The following NFAT5 variants were observed in gnomAD, a reference collection of about 807,000 sequenced individuals.
NFAT5 encodes the protein nuclear factor of activated T-cells 5.
Under a neutral mutation model 166.5 loss-of-function variants are expected in NFAT5, and 31 were observed. That is an observed-to-expected ratio of 0.19 (90% CI 0.14 to 0.25). The LOEUF is 0.25. Among genes scored for constraint, NFAT5 ranks in the 10% least tolerant of loss-of-function variants. The pLI is 1.00. For missense variants in NFAT5, 1,449 were observed against 1,821.8 expected (o/e 0.80, Z 3.72); for synonymous variants, 612 against 639.7 (o/e 0.96, Z 0.65).
intron 2 of NFAT5, among the ~76,000 whole-genome samples, chr16:69,591,026 G>A (rs2032428051): frequency 6.6e-6 from 1 of 152,096 alleles, no homozygotes; most frequent in African/African-American, 2.4e-5. Context: ...TCGTCTCCTG[G>A]GTTCAAGCAA....
chr16:69,663,653 T>G (rs1482732444), intron 7 of NFAT5, among the ~76,000 whole-genome samples: 1 of 151,500 alleles, frequency 6.6e-6, no homozygotes, highest in Admixed American at 6.6e-5. Context: ...GAAGATTGCT[T>G]GAAGCCAGGA....
In NFAT5 at chr16:69,587,944, C is replaced by CTTTT. The variant is rs61460423; in HGVS notation, c.127+19419_127+19422dup. On this transcript the variant is annotated intron_variant, in intron 2 of 14. Coordinates refer to ENST00000349945, the MANE Select transcript of NFAT5 (RefSeq NM_138713.4). ...GCACTTTGGTAATTTATAGTGCTTT[C>CTTTT]TTTTTTTTTTTTTTTTTTTTTTTTT... 1.5e-4 allele frequency among the ~76,000 whole-genome samples: 10 copies of CTTTT among 68,232 alleles called. 1 individual carries two copies. The highest frequency in any genetic ancestry group is 2.3e-4 in the Non-Finnish European group (8 of 34,744). 44.8% of individuals were successfully genotyped at this position (68,232 alleles called of 152,430 possible).
intron 7 of NFAT5, among the ~76,000 whole-genome samples, chr16:69,669,759 T>C (rs1290109710): frequency 1.3e-5 from 2 of 152,202 alleles, no homozygotes; most frequent in Non-Finnish European, 1.5e-5. Context: ...CTTGGCACAT[T>C]ACTTCAGTTC....
chr16:69,603,986 G>A (rs1292901771), intron 2 of NFAT5, among the ~76,000 whole-genome samples: 3 of 152,030 alleles, frequency 2.0e-5, no homozygotes, highest in Admixed American at 6.6e-5. Flanking sequence ...ATTAATTTTA[G>A]TAGCTAATAT....
At chr16:69,679,963 A>G (rs2036989418) in intron 10 of NFAT5, among the ~76,000 whole-genome samples, 1 of 150,216 alleles carries the variant, frequency 6.7e-6, no homozygotes, top group South Asian at 2.1e-4. Flanking sequence ...TAAAAATACA[A>G]AAAAATTAGC....
chr16:69,629,860 C>T (rs2151586588), intron 3 of NFAT5, among the ~76,000 whole-genome samples: 1 of 151,630 alleles, frequency 6.6e-6, no homozygotes, highest in East Asian at 1.9e-4. Flanking sequence ...CCTAAACCCC[C>T]TGGGCTCAAG....
intron 9 of NFAT5, among the ~76,000 whole-genome samples, chr16:69,675,335 T>C (rs1286227156): frequency 2.0e-5 from 3 of 152,230 alleles, no homozygotes; most frequent in Admixed American, 6.5e-5. Context: ...TCACAAGCTG[T>C]TCATTCAACC....
chr16:69,672,805 A>G (rs571047398), intron 9 of NFAT5, among the ~76,000 whole-genome samples: 2 of 152,322 alleles, frequency 1.3e-5, no homozygotes, highest in South Asian at 4.1e-4. Flanking sequence ...AGTTAGATTA[A>G]TGTAGACTCC....
intron 2 of NFAT5, among the ~76,000 whole-genome samples, chr16:69,583,401 G>A (rs960272894): frequency 6.6e-6 from 1 of 151,916 alleles, no homozygotes; most frequent in African/African-American, 2.4e-5. Flanking sequence ...AAAATTGTAG[G>A]GATGGATTCT....
intron 3 of NFAT5, chr16:69,632,028 A>G (rs770737053): frequency 2.4e-4 from 36 of 152,348 alleles, no homozygotes; most frequent in Admixed American, 3.9e-4. Context: ...TATTTTCTAC[A>G]AAATTTCATT....
intron 4 of NFAT5, among the ~76,000 whole-genome samples, chr16:69,648,018 A>T (rs1372423217): frequency 6.6e-6 from 1 of 151,584 alleles, no homozygotes; most frequent in Non-Finnish European, 1.5e-5. Flanking sequence ...CTAAAAATAC[A>T]AAAAAAATTA....
chr16:69,679,896 A>C (rs2036986824), intron 10 of NFAT5, among the ~76,000 whole-genome samples: 1 of 152,134 alleles, frequency 6.6e-6, no homozygotes, highest in South Asian at 2.1e-4. Flanking sequence ...AGGCAGGTGG[A>C]TTACAAGGTC....
rs142553498 is a variant in NFAT5, at chr16:69,667,404, G to C, written c.1370-2573G>C. ...CTGTATAATATGTGGGATCTCTTTT[G>C]CATAATTGTATAATGTCAAGATTCA... On this transcript the variant is annotated intron_variant, in intron 7 of 14. Coordinates refer to ENST00000349945, the MANE Select transcript of NFAT5 (RefSeq NM_138713.4). Among the ~76,000 whole-genome samples the C allele has an allele frequency of 8.8e-3, 1,324 of 151,024 alleles. 18 individuals carry two copies. The highest frequency in any genetic ancestry group is 0.031 in the African/African-American group (1,269 of 41,082).
At chr16:69,597,062 G>A (rs2032839016) in intron 2 of NFAT5, among the ~76,000 whole-genome samples, 2 of 152,144 alleles carry the variant, frequency 1.3e-5, no homozygotes, top group South Asian at 4.1e-4. Context: ...AGATTAAAGG[G>A]CTATGTTGGA....
At chr16:69,578,126 G>A (rs377050075) in intron 2 of NFAT5, among the ~76,000 whole-genome samples, 2 of 152,140 alleles carry the variant, frequency 1.3e-5, no homozygotes, top group East Asian at 3.8e-4. Context: ...ATCTAGAGAT[G>A]ATTTAAAGTA....
At chr16:69,596,769 A>G (rs1433266533) in intron 2 of NFAT5, among the ~76,000 whole-genome samples, 1 of 150,758 alleles carries the variant, frequency 6.6e-6, no homozygotes. Flanking sequence ...TTTTTTCTCT[A>G]ACTGCAACCA....
chr16:69,623,334 CTT>C (rs369209793), intron 2 of NFAT5, among the ~76,000 whole-genome samples: 26 of 139,582 alleles, frequency 1.9e-4, no homozygotes, highest in Admixed American at 2.9e-4. Context: ...TTGCTAAAGG[CTT>C]TTTTTTTTTT....
At chr16:69,635,031 T>TG (rs2034898493) in intron 3 of NFAT5, among the ~76,000 whole-genome samples, 1 of 147,318 alleles carries the variant, frequency 6.8e-6, no homozygotes, top group Non-Finnish European at 1.5e-5. Flanking sequence ...AAGTTTTTTT[T>TG]TTTTTTTTTT....
rs1281447523 is a variant in NFAT5 at position 69,608,099 on chromosome 16, A to ACTTT, written c.128-18304_128-18303insCTTT. ...GCCGGTCACGGTGGCTCACGCCTGT[A>ACTTT]ATCCCAGCACTTTGGGAGGCCAAAG... On this transcript the variant is annotated intron_variant, in intron 2 of 14. Transcript: ENST00000349945. 1.4e-3 allele frequency among the ~76,000 whole-genome samples: 212 copies of ACTTT among 152,284 alleles called. 1 individual carries two copies. The highest frequency in any genetic ancestry group is 4.2e-3 in the African/African-American group (173 of 41,562).
Sources: allele counts gnomAD v4.1 joint callset (sites outside exome capture counted in the v4.1 genomes callset), GRCh38; gene constraint gnomAD v4.1.1; transcripts MANE v1.5; gene names NCBI Gene and HGNC (gene_info 2026-07-23, HGNC 2026-07-21).